The following TEX48 variants were observed in gnomAD, a reference collection of about 807,000 sequenced individuals.
TEX48 encodes testis-expressed protein 48.
TEX48 carries 10 observed loss-of-function variants against 13.2 expected under a neutral mutation model. The observed-to-expected ratio is 0.75, with a 90% CI of 0.47 to 1.28. The LOEUF (loss-of-function observed/expected upper bound fraction) is 1.28. Ranked by LOEUF, TEX48 falls within the 50% of genes most tolerant of loss-of-function variation. The pLI, the probability that TEX48 is intolerant of heterozygous loss-of-function variation, is 0.00. For synonymous variants in TEX48, 45 were observed against 52.3 expected (o/e 0.86, Z 0.60); for missense variants, 116 against 139.4 (o/e 0.83, Z 0.84).
chr9:114,680,000 T>C (rs1238981146), intron 1 of TEX48, among the ~76,000 whole-genome samples: 1 of 151,964 alleles, frequency 6.6e-6, no homozygotes, highest in African/African-American at 2.4e-5. Flanking sequence ...AATCTATAGC[T>C]AAGCCCAAAG....
At chr9:114,681,506 G>C (rs1828200821) in intron 1 of TEX48, among the ~76,000 whole-genome samples, 1 of 152,206 alleles carries the variant, frequency 6.6e-6, no homozygotes, top group Non-Finnish European at 1.5e-5. Flanking sequence ...AAATGGGGAT[G>C]AGAATAATAG....
At chr9:114,677,624 A>G (rs763540886) in intron 1 of TEX48, among the ~76,000 whole-genome samples, 2 of 152,130 alleles carry the variant, frequency 1.3e-5, no homozygotes, top group Admixed American at 6.5e-5. Context: ...AGCCCCCACC[A>G]TGAGTCAGCC....
At chr9:114,681,100 A>G (rs1164001285) in intron 1 of TEX48, among the ~76,000 whole-genome samples, 2 of 152,212 alleles carry the variant, frequency 1.3e-5, no homozygotes, top group African/African-American at 4.8e-5. Context: ...AGTTATTCAA[A>G]TTCTCTTTTT....
chr9:114,678,744 AG>A (rs1392757307), intron 1 of TEX48, among the ~76,000 whole-genome samples: 2 of 151,038 alleles, frequency 1.3e-5, no homozygotes, highest in Non-Finnish European at 2.9e-5. Flanking sequence ...TCAGAGGCTG[AG>A]GAGAGAGTAT....
Sources: allele counts gnomAD v4.1 joint callset (sites outside exome capture counted in the v4.1 genomes callset), GRCh38; gene constraint gnomAD v4.1.1; transcripts MANE v1.5; gene names NCBI Gene and HGNC (gene_info 2026-07-23, HGNC 2026-07-21).